Variants in DNAL1 observed in about 807,000 individuals in gnomAD.
DNAL1 encodes chromosome 14 open reading frame 168.
In DNAL1, 17 loss-of-function variants were observed where a neutral mutation model predicts 29.4. That is an observed-to-expected ratio of 0.58 (90% CI 0.40 to 0.87). The LOEUF (loss-of-function observed/expected upper bound fraction) is 0.87. Among genes scored for constraint, DNAL1 ranks in the 40% least tolerant of loss-of-function variants. The pLI is 0.00. For synonymous variants in DNAL1, 78 were observed against 76.3 expected (o/e 1.02, Z -0.12); for missense variants, 188 against 214.1 (o/e 0.88, Z 0.76).
chr14:73,685,693 C>G (rs1180433728), intron 5 of DNAL1, among the ~76,000 whole-genome samples: 2 of 152,094 alleles, frequency 1.3e-5, no homozygotes, highest in Non-Finnish European at 2.9e-5. Flanking sequence ...AACTCCTGAC[C>G]TAAGGTGAGC....
At chr14:73,690,030 T>A (rs372589843) in intron 7 of DNAL1, among the ~76,000 whole-genome samples, 25 of 114,982 alleles carry the variant, frequency 2.2e-4, no homozygotes, top group African/African-American at 9.2e-4. Context: ...AGAGTGAAAT[T>A]CCGTCTCAAA....
At position 73,687,288 on chromosome 14, in the gene DNAL1, GT is replaced by G; in HGVS notation, c.295del (p.Trp99GlyfsTer10). The G allele has an allele frequency of 6.2e-7, 1 of 1,613,108 alleles. No homozygotes were observed. Among genetic ancestry groups the G allele is most frequent in the Non-Finnish European group, 8.5e-7 (1 of 1,179,698 alleles). On this transcript the variant is annotated frameshift_variant, in exon 6 of 8. Transcript: ENST00000553645. LOFTEE classifies it high-confidence loss of function. ...EAVGDTLEEL[W>X]ISYNFIEKLK... ...CAGTAGGGGACACATTAGAAGAACT[GT>G]GGATCTCCTACAATTTTATTGAGAA... is the stretch of plus-strand genomic sequence containing the variant.
intron 1 of DNAL1, among the ~76,000 whole-genome samples, chr14:73,647,959 T>C (rs1250471187): frequency 3.3e-5 from 5 of 152,112 alleles, no homozygotes. Context: ...CCTCCGGCAG[T>C]GCAGGAGAGT....
At chr14:73,648,808 A>C (rs1349666857) in intron 1 of DNAL1, among the ~76,000 whole-genome samples, 1 of 151,154 alleles carries the variant, frequency 6.6e-6, no homozygotes, top group African/African-American at 2.4e-5. Flanking sequence ...TTTGTTTTCG[A>C]ATTTTAGGCA....
At chr14:73,685,198 A>G (rs959000797) in intron 5 of DNAL1, among the ~76,000 whole-genome samples, 1 of 152,128 alleles carries the variant, frequency 6.6e-6, no homozygotes, top group African/African-American at 2.4e-5. Flanking sequence ...GACTTGCACA[A>G]CCATCACCAT....
In DNAL1 at chr14:73,673,886, G is replaced by A. The variant is rs374776437; in HGVS notation, c.264+2289G>A. Among the ~76,000 whole-genome samples, 454 of 143,940 alleles carry A rather than the reference G, an allele frequency of 3.2e-3. 4 individuals carry two copies. The highest frequency in any genetic ancestry group is 0.011 in the African/African-American group (428 of 38,872). The allele number at this position is 143,940 out of a possible 152,430, so 94.4% of individuals were successfully genotyped here. A position where few individuals can be genotyped will look rare whatever the true frequency, so the allele number is the denominator to read the frequency against. ...GCAATGCAGTCTGGGTGACAGAGGG[G>A]AAAAAAAAAAGGAAAGAAAAAGAAA... is the stretch of plus-strand genomic sequence containing the variant. On this transcript the variant is annotated intron_variant, in intron 5 of 7. Coordinates refer to ENST00000553645, the MANE Select transcript of DNAL1 (RefSeq NM_031427.4).
chr14:73,677,047 T>A (rs1299893007), intron 5 of DNAL1, among the ~76,000 whole-genome samples: 1 of 149,896 alleles, frequency 6.7e-6, no homozygotes, highest in African/African-American at 2.5e-5. Context: ...CTCGGCTCAC[T>A]ACAAGCTCCA....
chr14:73,649,888 C>T (rs1891074191), intron 1 of DNAL1, among the ~76,000 whole-genome samples: 1 of 152,158 alleles, frequency 6.6e-6, no homozygotes, highest in African/African-American at 2.4e-5. Flanking sequence ...ATAACTTACA[C>T]ACATCCTCCT....
At chr14:73,690,044 AAAAAAAAG>A (rs1892132354) in intron 7 of DNAL1, among the ~76,000 whole-genome samples, 2 of 118,808 alleles carry the variant, frequency 1.7e-5, no homozygotes, top group South Asian at 3.0e-4. Flanking sequence ...TCTCAAAAAA[AAAAAAAAG>A]AAAAGAAAAG....
Position 73,702,077 on chromosome 14 carries a change from T to TGG in DNAL1, c.*6136_*6137dup, listed in dbSNP as rs886050714. 10 of 109,514 alleles carry TGG rather than the reference T, an allele frequency of 9.1e-5. No individual in the cohort carries two copies. The highest frequency in any genetic ancestry group is 3.4e-4 in the African/African-American group (10 of 29,560). 6.8% of individuals were successfully genotyped at this position (109,514 alleles called of 1,614,324 possible). A position where few individuals can be genotyped will look rare whatever the true frequency, so the allele number is the denominator to read the frequency against. On this transcript the variant is annotated 3_prime_UTR_variant, in exon 8 of 8. Transcript: ENST00000553645. ...GATAACATGTACCATGCAGTTTGTGTGGTGTGTGTGTGTGTGTGTGTGTGT... is the reference window on the plus strand; with the variant it reads ...GATAACATGTACCATGCAGTTTGTGTGGGGTGTGTGTGTGTGTGTGTGTGTGT...
intron 1 of DNAL1, chr14:73,651,424 C>A (rs1891111562): frequency 6.6e-6 from 1 of 152,170 alleles, no homozygotes; most frequent in Admixed American, 6.5e-5. Flanking sequence ...TCTGAAACAA[C>A]TTGTTACAGG....
At chr14:73,674,409 C>T (rs1353565191) in intron 5 of DNAL1, among the ~76,000 whole-genome samples, 1 of 149,506 alleles carries the variant, frequency 6.7e-6, no homozygotes, top group Non-Finnish European at 1.5e-5. Context: ...ATCTTTACAC[C>T]TCAGCTCAGA....
At chr14:73,675,639 A>G (rs1443807950) in intron 5 of DNAL1, among the ~76,000 whole-genome samples, 1 of 152,104 alleles carries the variant, frequency 6.6e-6, no homozygotes, top group East Asian at 1.9e-4. Flanking sequence ...TAGCATCTAC[A>G]ATAGTGCTTG....
intron 4 of DNAL1, among the ~76,000 whole-genome samples, chr14:73,664,439 G>T: frequency 6.6e-6 from 1 of 151,920 alleles, no homozygotes; most frequent in East Asian, 1.9e-4. Flanking sequence ...CGCATTAAAA[G>T]TCATCTAAAA....
intron 5 of DNAL1, among the ~76,000 whole-genome samples, chr14:73,683,179 A>C (rs1268063743): frequency 6.6e-6 from 1 of 152,146 alleles, no homozygotes; most frequent in African/African-American, 2.4e-5. Context: ...CCCAGCCTAC[A>C]GTTAGCTTTT....
Position 73,703,203 on chromosome 14 carries a change from C to G in DNAL1, c.*7261C>G, listed in dbSNP as rs1430674630. 8 of 152,032 alleles carry G rather than the reference C, an allele frequency of 5.3e-5. No homozygotes were observed. The highest frequency in any genetic ancestry group is 1.2e-4 in the Non-Finnish European group (8 of 67,988). 9.4% of individuals were successfully genotyped at this position (152,032 alleles called of 1,614,324 possible). A position where few individuals can be genotyped will look rare whatever the true frequency, so the allele number is the denominator to read the frequency against. ...ATTGTTATTTTTAGTTCATTGTTTC[C>G]TAGAACAAAGGATGGACATTTAGGA... is the stretch of plus-strand genomic sequence containing the variant. On this transcript the variant is annotated 3_prime_UTR_variant, in exon 8 of 8. Coordinates refer to ENST00000553645, the MANE Select transcript of DNAL1 (RefSeq NM_031427.4).
At position 73,693,333 on chromosome 14, in the gene DNAL1, A is replaced by ATTC. The variant is rs1330361823; in HGVS notation, c.533-2569_533-2568insTTC. On this transcript the variant is annotated intron_variant, in intron 7 of 7. Transcript: ENST00000553645. Reference sequence around the variant, plus strand: ...ATTTCCCTCCTAACTACATACCCCAAAGAAAAGGGTGTGAATGTTTACCAA... The same window carrying ATTC: ...ATTTCCCTCCTAACTACATACCCCAATTCAGAAAAGGGTGTGAATGTTTACCAA... 4.2e-4 allele frequency among the ~76,000 whole-genome samples: 64 copies of ATTC among 152,306 alleles called. No individual in the cohort carries two copies. In the East Asian group the frequency reaches 0.011, roughly 27 times the overall value.
At chr14:73,676,650 C>T (rs942138470) in intron 5 of DNAL1, among the ~76,000 whole-genome samples, 1 of 151,980 alleles carries the variant, frequency 6.6e-6, no homozygotes. Flanking sequence ...CTGGGCATTT[C>T]GATTATTTCC....
intron 1 of DNAL1, among the ~76,000 whole-genome samples, chr14:73,648,564 C>G (rs1362020177): frequency 6.6e-6 from 1 of 150,882 alleles, no homozygotes; most frequent in Non-Finnish European, 1.5e-5. Context: ...CAGGCCTGCA[C>G]CACCACTCCT....
Sources: allele counts gnomAD v4.1 joint callset (sites outside exome capture counted in the v4.1 genomes callset), GRCh38; gene constraint gnomAD v4.1.1; transcripts MANE v1.5; gene names NCBI Gene and HGNC (gene_info 2026-07-23, HGNC 2026-07-21).